The following CERKL variants were observed in gnomAD, a reference collection of about 807,000 sequenced individuals.
CERKL encodes the protein CERK like autophagy regulator, also known as ceramide kinase-like protein.
CERKL carries 61 observed loss-of-function variants against 63.4 expected under a neutral mutation model. The ratio of observed to expected loss-of-function variants is 0.96; its 90% CI spans 0.78 to 1.19. The LOEUF is 1.19. Ranked by LOEUF, CERKL falls within the 50% of genes most tolerant of loss-of-function variation. The pLI is 0.00. For missense variants in CERKL, 675 were observed against 655.5 expected, an observed-to-expected ratio of 1.03 and a Z score of -0.33; for synonymous variants, 250 against 230.5, an observed-to-expected ratio of 1.08 and a Z score of -0.77.
chr2:181,599,606 A>C (rs182934495), intron 2 of CERKL, among the ~76,000 whole-genome samples: 199 of 151,728 alleles, frequency 1.3e-3, no homozygotes, highest in Admixed American at 2.5e-3. Flanking sequence ...GCAGAAGACA[A>C]GATTTCAGAG....
intron 3 of CERKL, among the ~76,000 whole-genome samples, chr2:181,570,417 G>A (rs572551310): frequency 6.6e-6 from 1 of 152,130 alleles, no homozygotes; most frequent in Admixed American, 6.6e-5. Context: ...CAAAATATCT[G>A]TCACACCTTT....
intron 1 of CERKL, among the ~76,000 whole-genome samples, chr2:181,642,608 G>C (rs1687492399): frequency 6.6e-6 from 1 of 151,966 alleles, no homozygotes; most frequent in South Asian, 2.1e-4. Flanking sequence ...CTCTAATTCA[G>C]CTGAGCTCTG....
intron 2 of CERKL, among the ~76,000 whole-genome samples, chr2:181,584,317 C>T (rs1478989208): frequency 6.6e-6 from 1 of 151,618 alleles, no homozygotes; most frequent in Non-Finnish European, 1.5e-5. Flanking sequence ...TTAAAGGCTA[C>T]CCTAGGCAAC....
intron 11 of CERKL, among the ~76,000 whole-genome samples, chr2:181,542,000 T>G (rs1687528232): frequency 6.6e-6 from 1 of 152,164 alleles, no homozygotes; most frequent in Non-Finnish European, 1.5e-5. Context: ...GAGTGCATGA[T>G]GTTCAGACAG....
In CERKL at chr2:181,549,514, TCTCTA is replaced by T. The variant is rs1342633439; in HGVS notation, c.895+115_895+119del. The T allele has an allele frequency of 5.1e-6, 4 of 783,688 alleles. No individual in the cohort carries two copies. The African/African-American group carries it at 5.2e-5, about 10-fold the overall frequency. The allele number at this position is 783,688 out of a possible 1,614,324, so 48.5% of individuals were successfully genotyped here. ...CCTTTTGGTTTTTTAGTCAAACATT[TCTCTA>T]CTCTAAGAGACAAAGAACCTGCCTT... On this transcript the variant is annotated intron_variant, in intron 6 of 12. Transcript: ENST00000410087.
At chr2:181,559,258 C>G (rs1574448335) in intron 4 of CERKL, among the ~76,000 whole-genome samples, 1 of 152,036 alleles carries the variant, frequency 6.6e-6, no homozygotes, top group African/African-American at 2.4e-5. Context: ...TACGGTGCTT[C>G]TAGATGTAAT....
At chr2:181,588,734 C>G (rs1465948175) in intron 2 of CERKL, among the ~76,000 whole-genome samples, 1 of 152,082 alleles carries the variant, frequency 6.6e-6, no homozygotes, top group Non-Finnish European at 1.5e-5. Flanking sequence ...CCTTTTTCTC[C>G]ACACCCCACC....
intron 11 of CERKL, among the ~76,000 whole-genome samples, chr2:181,540,941 C>G (rs1354179302): frequency 6.6e-6 from 1 of 152,082 alleles, no homozygotes; most frequent in Non-Finnish European, 1.5e-5. Flanking sequence ...AAGATTTAGC[C>G]TGGAGAAGAA....
chr2:181,598,446 C>T (rs1253632418), intron 2 of CERKL, among the ~76,000 whole-genome samples: 1 of 151,944 alleles, frequency 6.6e-6, no homozygotes, highest in Non-Finnish European at 1.5e-5. Context: ...GCTAGTGCAC[C>T]TCCCCCTATC....
At chr2:181,641,334 TATATATATATAC>T (rs1336813160) in intron 1 of CERKL, among the ~76,000 whole-genome samples, 2,619 of 10,638 alleles carry the variant, frequency 0.25, 58 homozygotes, top group Middle Eastern at 0.39. Context: ...TATATATATA[TATATATATATAC>T]ATATATATAC....
In CERKL at chr2:181,654,989, C is replaced by T. The variant is rs550740943; in HGVS notation, c.238+1780G>A. ...AACATCTCTTGGTTTCTTCCATAAA[C>T]AGAAGTACTTACTAAGGCTCTAGGC... On this transcript the variant is annotated intron_variant, in intron 1 of 12. Transcript: ENST00000410087. Among the ~76,000 whole-genome samples, 8 of 152,268 alleles carry T rather than the reference C, an allele frequency of 5.3e-5. No individual in the cohort carries two copies. The South Asian group carries it at 1.5e-3, about 28-fold the overall frequency.
chr2:181,567,124 T>A lies in CERKL; in HGVS notation c.614-1003A>T, dbSNP rs570364997. Reference sequence around the variant, plus strand: ...ACATTGTAATTCTCCCATAGCTTATTCAAAATGCCATTAACACTCACATGA... The same window carrying A: ...ACATTGTAATTCTCCCATAGCTTATACAAAATGCCATTAACACTCACATGA... On this transcript the variant is annotated intron_variant, in intron 3 of 12. Transcript: ENST00000410087. Among the ~76,000 whole-genome samples, 4 of 152,250 alleles carry A rather than the reference T, an allele frequency of 2.6e-5. No individual in the cohort carries two copies. In the South Asian group the frequency reaches 8.3e-4, roughly 32 times the overall value.
At chr2:181,564,665 C>T (rs1453780793) in intron 4 of CERKL, among the ~76,000 whole-genome samples, 1 of 152,160 alleles carries the variant, frequency 6.6e-6, no homozygotes, top group Non-Finnish European at 1.5e-5. Flanking sequence ...TTCTGTAATG[C>T]TGCTGTGTAA....
chr2:181,637,841 A>G (rs1687246765), intron 1 of CERKL, among the ~76,000 whole-genome samples: 1 of 152,170 alleles, frequency 6.6e-6, no homozygotes. Flanking sequence ...CTTCACAGAT[A>G]TGAATTATTC....
At chr2:181,600,636 G>T (rs1685418341) in intron 2 of CERKL, among the ~76,000 whole-genome samples, 1 of 152,066 alleles carries the variant, frequency 6.6e-6, no homozygotes, top group African/African-American at 2.4e-5. Context: ...TTATATAAAG[G>T]GTTCAATTCA....
chr2:181,591,775 A>C (rs1310235560), intron 2 of CERKL, among the ~76,000 whole-genome samples: 1 of 152,160 alleles, frequency 6.6e-6, no homozygotes, highest in Non-Finnish European at 1.5e-5. Flanking sequence ...TATGATTTCT[A>C]ATAAATATGT....
chr2:181,538,275 T>TA, intron 12 of CERKL, 31 bp from the exon 13 acceptor site: 1 of 1,395,386 alleles, frequency 7.2e-7, no homozygotes, highest in South Asian at 1.2e-5. Context: ...TTCATCAACT[T>TA]ATTTTGTTGT....
rs1687369136 is a variant in CERKL, at chr2:181,539,213, G to C, written c.1417C>G (p.Pro473Ala). The C allele has an allele frequency of 6.2e-7, 1 of 1,604,816 alleles. No individual in the cohort carries two copies. Among genetic ancestry groups the C allele is most frequent in the African/African-American group, 1.3e-5 (1 of 74,646 alleles). The change falls in exon 12 of 13, where the codon CCA becomes GCA. Residue 473 changes from proline to alanine, a missense_variant. Pro to Ala is a conservative substitution (Grantham distance 27). Transcript: ENST00000410087. ...TYTVEEVKVH[P>A]RNNTGGYNPE... ...TTATATCCACCAGTATTATTCCTTGGATGAACTTTTACTTCCTCAACAGTG... is the reference window on the plus strand; with the variant it reads ...TTATATCCACCAGTATTATTCCTTGCATGAACTTTTACTTCCTCAACAGTG...
intron 1 of CERKL, among the ~76,000 whole-genome samples, chr2:181,645,454 C>T (rs1293402852): frequency 6.6e-6 from 1 of 152,238 alleles, no homozygotes; most frequent in East Asian, 1.9e-4. Flanking sequence ...CCTCCACCTG[C>T]CCTGTTCACT....
Sources: allele counts gnomAD v4.1 joint callset (sites outside exome capture counted in the v4.1 genomes callset), GRCh38; gene constraint gnomAD v4.1.1; transcripts MANE v1.5; gene names NCBI Gene and HGNC (gene_info 2026-07-23, HGNC 2026-07-21).